IGF1R: variants seen among roughly 807,000 people sequenced by gnomAD.
The protein encoded by IGF1R is insulin like growth factor 1 receptor.
In IGF1R, 44 loss-of-function variants were observed where a neutral mutation model predicts 144.6. The ratio of observed to expected loss-of-function variants is 0.30; its 90% CI spans 0.24 to 0.39. IGF1R has a LOEUF of 0.39. Among genes scored for constraint, IGF1R ranks in the 10% least tolerant of loss-of-function variants. The probability of loss-of-function intolerance (pLI) is 1.00; values close to 1 mark genes in which losing one functional copy is unlikely to be tolerated. For missense variants in IGF1R, 1,355 were observed against 1,833.7 expected (o/e 0.74, Z 4.77); for synonymous variants, 795 against 722.8 (o/e 1.10, Z -1.60).
chr15:98,865,601 A>G (rs1470637357), intron 2 of IGF1R, among the ~76,000 whole-genome samples: 1 of 152,184 alleles, frequency 6.6e-6, no homozygotes, highest in South Asian at 2.1e-4. Flanking sequence ...GTTTGGGAAG[A>G]TATGAACTCC....
intron 2 of IGF1R, among the ~76,000 whole-genome samples, chr15:98,726,839 C>G (rs774002529): frequency 6.6e-6 from 1 of 151,582 alleles, no homozygotes; most frequent in Non-Finnish European, 1.5e-5. Flanking sequence ...CCTGCCTCAG[C>G]CTCCTGAGTA....
At chr15:98,655,586 T>A (rs559353342) in intron 1 of IGF1R, among the ~76,000 whole-genome samples, 1 of 152,296 alleles carries the variant, frequency 6.6e-6, no homozygotes, top group African/African-American at 2.4e-5. Flanking sequence ...CTGTAAAATG[T>A]CTTACCATAA....
At chr15:98,654,860 A>G (rs2052448912) in intron 1 of IGF1R, among the ~76,000 whole-genome samples, 1 of 152,184 alleles carries the variant, frequency 6.6e-6, no homozygotes, top group East Asian at 1.9e-4. Context: ...AGAGACAACA[A>G]AGTGCCTAAT....
In IGF1R at chr15:98,924,006, A is replaced by C. The variant is rs1473022776; in HGVS notation, c.2616A>C (p.Gln872His). 1 of 1,613,996 alleles carries C rather than the reference A, an allele frequency of 6.2e-7. No individual in the cohort carries two copies. Among genetic ancestry groups the C allele is most frequent in the Non-Finnish European group, 8.5e-7 (1 of 1,179,942 alleles). ...TGTATGAAATAAAATACGGATCACA[A>C]GTTGAGGTAGGACTGGGGCAGTGGC... ...ILMYEIKYGS[Q>H]VEDQRECVSR... Residue 872 changes from glutamine to histidine, a missense_variant, in exon 12 of 21, where the codon CAA becomes CAC. Gln to His is a conservative substitution (Grantham distance 24). This residue lies in a region of IGF1R where 880 missense variants were observed against 1,202.7 expected (regional missense o/e 0.73). Transcript: ENST00000650285.
chr15:98,933,650 A>C (rs1303132033), intron 15 of IGF1R, among the ~76,000 whole-genome samples: 2 of 152,232 alleles, frequency 1.3e-5, no homozygotes, highest in Admixed American at 1.3e-4. Context: ...AACCAGATCG[A>C]ATCTAAACAG....
chr15:98,725,878 C>T (rs1303177952), intron 2 of IGF1R, among the ~76,000 whole-genome samples: 1 of 152,202 alleles, frequency 6.6e-6, no homozygotes, highest in Non-Finnish European at 1.5e-5. Context: ...ATAAACCCAT[C>T]AGATCTCGTC....
chr15:98,909,158 T>C (rs1457498587), intron 6 of IGF1R, among the ~76,000 whole-genome samples: 1 of 152,226 alleles, frequency 6.6e-6, no homozygotes, highest in Non-Finnish European at 1.5e-5. Context: ...TCTCAAACTT[T>C]AAAGTGCTGC....
In IGF1R at chr15:98,908,630, T is replaced by TAG; in HGVS notation, c.1248-52_1248-51dup. 2.9e-6 allele frequency: 4 copies of TAG among 1,368,676 alleles called. No homozygotes were observed. The South Asian group carries it at 4.8e-5, about 16-fold the overall frequency. The allele number at this position is 1,368,676 out of a possible 1,614,324, so 84.8% of individuals were successfully genotyped here. On this transcript the variant is annotated intron_variant, in intron 5 of 20. Transcript: ENST00000650285. ...GACCTGTGTTACGTGGCCAGCAGGC[T>TAG]AGAGGGGACTGTGGCCAAGGGCAGG... is the stretch of plus-strand genomic sequence containing the variant.
intron 19 of IGF1R, among the ~76,000 whole-genome samples, chr15:98,946,199 G>A (rs1044046273): frequency 6.6e-6 from 1 of 151,742 alleles, no homozygotes; most frequent in East Asian, 2.0e-4. Flanking sequence ...GAAGCGGGGC[G>A]GGGCGGGGCA....
At position 98,935,140 on chromosome 15, in the gene IGF1R, C is replaced by T. The variant is rs2016093242; in HGVS notation, c.3186+87C>T. On this transcript the variant is annotated intron_variant, in intron 16 of 20. Coordinates refer to ENST00000650285, the MANE Select transcript of IGF1R (RefSeq NM_000875.5). The surrounding 1 kb of genome is among the most constrained non-coding windows in gnomAD (Gnocchi z 4.2). ...CCAGTATGTTCTTGGCTGCATGTAC[C>T]CGTGGGTTTGGTGTCTTGCCTTTGC... 1.7e-6 allele frequency: 2 copies of T among 1,208,234 alleles called. No homozygotes were observed. The highest frequency in any genetic ancestry group is 2.5e-5 in the South Asian group (2 of 79,424). The allele number at this position is 1,208,234 out of a possible 1,614,324, so 74.8% of individuals were successfully genotyped here.
At chr15:98,870,381 C>T (rs1490949420) in intron 2 of IGF1R, among the ~76,000 whole-genome samples, 2 of 152,162 alleles carry the variant, frequency 1.3e-5, no homozygotes, top group Non-Finnish European at 2.9e-5. Context: ...GCAGGAATGG[C>T]ACCTACTCAG....
At chr15:98,709,016 T>A (rs905932635) in intron 2 of IGF1R, among the ~76,000 whole-genome samples, 1 of 152,232 alleles carries the variant, frequency 6.6e-6, no homozygotes, top group Admixed American at 6.5e-5. Context: ...AAAATGTGAC[T>A]CTGAGCCTTC....
chr15:98,896,408 C>T (rs576698552), intron 3 of IGF1R, among the ~76,000 whole-genome samples: 8 of 152,278 alleles, frequency 5.3e-5, no homozygotes, highest in African/African-American at 1.9e-4. Flanking sequence ...CTCCAGAACC[C>T]CCCAAGCTTC....
intron 2 of IGF1R, among the ~76,000 whole-genome samples, chr15:98,784,793 TG>T (rs1418610646): frequency 6.6e-6 from 1 of 152,264 alleles, no homozygotes; most frequent in South Asian, 2.1e-4. Context: ...GCATTTGTAT[TG>T]GGTATTGTAA....
intron 2 of IGF1R, among the ~76,000 whole-genome samples, chr15:98,761,411 A>G (rs772115095): frequency 6.6e-6 from 1 of 152,220 alleles, no homozygotes; most frequent in Non-Finnish European, 1.5e-5. Context: ...GAGGATGGAC[A>G]TGGACGGGGA....
At chr15:98,659,555 T>A (rs1247158413) in intron 1 of IGF1R, among the ~76,000 whole-genome samples, 1 of 152,214 alleles carries the variant, frequency 6.6e-6, no homozygotes, top group African/African-American at 2.4e-5. Context: ...TAGAAATCAC[T>A]GGGCTACAGT....
At chr15:98,730,698 T>C (rs150374720) in intron 2 of IGF1R, among the ~76,000 whole-genome samples, 17 of 152,362 alleles carry the variant, frequency 1.1e-4, no homozygotes, top group Non-Finnish European at 1.5e-4. Context: ...TCATTGTTCA[T>C]CTGTAAGCAT....
chr15:98,793,912 G>T (rs1338916701), intron 2 of IGF1R, among the ~76,000 whole-genome samples: 1 of 152,164 alleles, frequency 6.6e-6, no homozygotes, highest in Non-Finnish European at 1.5e-5. Context: ...AATTTAGATA[G>T]CTTCACTTTT....
rs2141258656 is a variant in IGF1R, at chr15:98,707,569, G to A, written c.102G>A (p.Gly34=). ...CCTCTTGTCTCCCTTCAGTCTGCGG[G>A]CCAGGCATCGACATCCGCAACGACT... ...SLWPTSGEIC[G]PGIDIRNDYQ... Residue 34 remains glycine, a synonymous_variant, in exon 2 of 21, where the codon GGG becomes GGA. Coordinates refer to ENST00000650285, the MANE Select transcript of IGF1R (RefSeq NM_000875.5). This position sits in a 1 kb window ranked among gnomAD's most constrained non-coding sequence, Gnocchi z 6.7. 1 of 1,614,126 alleles carries A rather than the reference G, an allele frequency of 6.2e-7. No individual in the cohort carries two copies. Among genetic ancestry groups the A allele is most frequent in the Non-Finnish European group, 8.5e-7 (1 of 1,180,012 alleles).
Sources: allele counts gnomAD v4.1 joint callset (sites outside exome capture counted in the v4.1 genomes callset), GRCh38; gene constraint gnomAD v4.1.1; regional missense constraint gnomAD v4.1.1; non-coding constraint Gnocchi (gnomAD v3.1); transcripts MANE v1.5; gene names NCBI Gene and HGNC (gene_info 2026-07-23, HGNC 2026-07-21).